DNMBP: variants seen among roughly 807,000 people sequenced by gnomAD.
DNMBP encodes dynamin-binding protein.
A neutral mutation model predicts 150.0 loss-of-function variants in DNMBP; 87 were observed. The ratio of observed to expected loss-of-function variants is 0.58; its 90% CI spans 0.49 to 0.69. DNMBP has a LOEUF of 0.69. Among genes scored for constraint, DNMBP ranks in the 30% least tolerant of loss-of-function variants. The probability of loss-of-function intolerance (pLI) is 0.00; values close to 1 mark genes in which losing one functional copy is unlikely to be tolerated. For missense variants in DNMBP, 1,774 were observed against 1,949.0 expected (o/e 0.91, Z 1.69); for synonymous variants, 711 against 750.4 (o/e 0.95, Z 0.86).
intron 4 of DNMBP, among the ~76,000 whole-genome samples, chr10:99,910,141 C>T (rs1385442304): frequency 3.9e-5 from 6 of 152,150 alleles, no homozygotes; most frequent in Admixed American, 3.9e-4. Flanking sequence ...TATTTTAACC[C>T]AGGTTTAAGA....
chr10:99,995,154 G>A (rs1245773147), intron 1 of DNMBP, among the ~76,000 whole-genome samples: 2 of 151,612 alleles, frequency 1.3e-5, no homozygotes, highest in Non-Finnish European at 1.5e-5. Context: ...CCAGTCTCAA[G>A]CAATCCTCCC....
At chr10:99,939,723 T>C (rs948256326) in intron 4 of DNMBP, among the ~76,000 whole-genome samples, 2 of 152,282 alleles carry the variant, frequency 1.3e-5, no homozygotes, top group African/African-American at 4.8e-5. Flanking sequence ...CTAGCCATTA[T>C]TTAGAAGGTA....
chr10:99,928,882 A>G (rs1465005969), intron 4 of DNMBP, among the ~76,000 whole-genome samples: 1 of 152,140 alleles, frequency 6.6e-6, no homozygotes, highest in Non-Finnish European at 1.5e-5. Context: ...GGTGGCTTAC[A>G]CTTGTAATCC....
In DNMBP at chr10:99,894,930, T is replaced by A. The variant is rs763874967; in HGVS notation, c.3156+16A>T. 1 of 1,559,002 alleles carries A rather than the reference T, an allele frequency of 6.4e-7. No individual in the cohort carries two copies. Among genetic ancestry groups the A allele is most frequent in the South Asian group, 1.1e-5 (1 of 89,860 alleles). On this transcript the variant is annotated intron_variant, in intron 11 of 16. Coordinates refer to ENST00000324109, the MANE Select transcript of DNMBP (RefSeq NM_015221.4). ...ACATCGTATGTTAATCTAACTACAGTGATGTTGATGCTCACCCGGATGTGC... is the reference window on the plus strand; with the variant it reads ...ACATCGTATGTTAATCTAACTACAGAGATGTTGATGCTCACCCGGATGTGC...
chr10:99,893,153 A>G (rs1328661981), intron 11 of DNMBP, among the ~76,000 whole-genome samples: 1 of 152,236 alleles, frequency 6.6e-6, no homozygotes, highest in African/African-American at 2.4e-5. Flanking sequence ...ACTGGTTTTG[A>G]TAACACTGAG....
At position 99,886,386 on chromosome 10, in the gene DNMBP, G is replaced by A. The variant is rs746550086; in HGVS notation, c.3532C>T (p.Leu1178Phe). 26 of 1,614,198 alleles carry A rather than the reference G, an allele frequency of 1.6e-5. No homozygotes were observed. In the South Asian group the frequency reaches 1.9e-4, roughly 12 times the overall value. Reference sequence around the variant, plus strand: ...TAGCCGTGGACACAGTTGGTGAAGAGGCCCTGGGCGTACTGGTGGAACTTG... The same window carrying A: ...TAGCCGTGGACACAGTTGGTGAAGAAGCCCTGGGCGTACTGGTGGAACTTG... ...LPKFHQYAQG[L>F]FTNCVHGYAE... The change falls in exon 13 of 17, where the codon CTC (leucine) becomes TTC (phenylalanine). Residue 1178 changes from leucine to phenylalanine, a missense_variant. Physicochemically the swap from Leu to Phe is conservative, Grantham distance 22. This residue lies in a region of DNMBP where 1,430 missense variants were observed against 1,492.5 expected (regional missense o/e 0.96). Coordinates refer to ENST00000324109, the MANE Select transcript of DNMBP (RefSeq NM_015221.4).
intron 8 of DNMBP, 37 bp from the exon 9 acceptor site, chr10:99,898,322 A>G (rs1378067477): frequency 6.5e-7 from 1 of 1,546,160 alleles, no homozygotes; most frequent in Non-Finnish European, 8.9e-7. Context: ...GTAAGCTATC[A>G]ATAATATAGC....
At chr10:99,913,587 T>C (rs2039927684) in intron 4 of DNMBP, among the ~76,000 whole-genome samples, 1 of 152,158 alleles carries the variant, frequency 6.6e-6, no homozygotes, top group South Asian at 2.1e-4. Flanking sequence ...CAAATTTACT[T>C]CCTGTGATAA....
chr10:99,952,023 G>A (rs1328385624), intron 4 of DNMBP, among the ~76,000 whole-genome samples: 1 of 152,266 alleles, frequency 6.6e-6, no homozygotes, highest in East Asian at 1.9e-4. Context: ...CATGGGGGCA[G>A]GTCTTTCCTG....
At chr10:99,984,876 T>C (rs1326452093) in intron 1 of DNMBP, among the ~76,000 whole-genome samples, 2 of 152,170 alleles carry the variant, frequency 1.3e-5, no homozygotes, top group Non-Finnish European at 2.9e-5. Context: ...TACAGGCATG[T>C]GCCCCCACAC....
chr10:99,886,535 A>G lies in DNMBP; in HGVS notation c.3383T>C (p.Leu1128Pro). 1 of 1,614,182 alleles carries G rather than the reference A, an allele frequency of 6.2e-7. No individual in the cohort carries two copies. The change falls in exon 13 of 17, where the codon CTC becomes CCC. Residue 1128 changes from leucine (L) to proline (P), a missense_variant. Around this residue, in one of 2 missense-constraint regions of DNMBP, gnomAD observed 1,430 missense variants for 1,492.5 expected, o/e 0.96. Transcript: ENST00000324109. The part of the protein sequence containing the change: ...HKLVQKRFDK[L>P]LDFYNCTERA... ...TTCTGTACAGTTATAGAAGTCCAGG[A>G]GCTTGTCAAAGCGTTTCTGTACCAG...
intron 11 of DNMBP, among the ~76,000 whole-genome samples, chr10:99,893,329 G>GT (rs2039601425): frequency 6.6e-6 from 1 of 152,218 alleles, no homozygotes; most frequent in African/African-American, 2.4e-5. Context: ...GATATTCCTT[G>GT]TATGACTAGT....
At chr10:99,886,938 C>A (rs1470187219) in intron 12 of DNMBP, among the ~76,000 whole-genome samples, 7 of 152,122 alleles carry the variant, frequency 4.6e-5, no homozygotes, top group Admixed American at 4.6e-4. Flanking sequence ...ATGATGTGTG[C>A]ATTAGAAACC....
In DNMBP at chr10:99,888,897, C is replaced by G. The variant is rs1327159988; in HGVS notation, c.3213G>C (p.Glu1071Asp). The change falls in exon 12 of 17, where the codon GAG becomes GAC. Residue 1071 changes from glutamate to aspartate, a missense_variant. Transcript: ENST00000324109. The part of the protein sequence containing the change: ...AAVSMWDVCM[E>D]RGHRDLEQFE... ...ACTGCTCCAGGTCCCGGTGTCCTCT[C>G]TCCATGCACACATCCCACATGCTCA... is the stretch of plus-strand genomic sequence containing the variant. The G allele has an allele frequency of 6.2e-7, 1 of 1,614,102 alleles. No homozygotes were observed. Among genetic ancestry groups the G allele is most frequent in the South Asian group, 1.1e-5 (1 of 91,090 alleles).
chr10:99,896,228 G>C (rs200438589), intron 10 of DNMBP, 39 bp downstream of exon 10: 2 of 1,607,494 alleles, frequency 1.2e-6, no homozygotes, highest in Non-Finnish European at 1.7e-6. Context: ...CTGAAAAGCT[G>C]TCAAAGATGC....
In DNMBP at chr10:99,898,735, G is replaced by A. The variant is rs746976067; in HGVS notation, c.2720+8C>T. 32 of 1,613,702 alleles carry A rather than the reference G, an allele frequency of 2.0e-5. No individual in the cohort carries two copies. The South Asian group carries it at 3.4e-4, about 17-fold the overall frequency. ...TGAGCGCATACATCAAGCAGCAATG[G>A]AACTTACCATTCGTTGTATAGGCTC... is the stretch of plus-strand genomic sequence containing the variant. On this transcript the variant is annotated splice_region_variant and intron_variant, in intron 8 of 16. Transcript: ENST00000324109.
At chr10:99,965,388 A>AT (rs1001733544) in intron 3 of DNMBP, among the ~76,000 whole-genome samples, 3 of 151,716 alleles carry the variant, frequency 2.0e-5, no homozygotes, top group African/African-American at 7.3e-5. Context: ...TTACACATAT[A>AT]TTTTTTCTCT....
At chr10:99,941,537 C>T (rs998259936) in intron 4 of DNMBP, among the ~76,000 whole-genome samples, 13 of 151,334 alleles carry the variant, frequency 8.6e-5, no homozygotes, top group Middle Eastern at 3.4e-3. Context: ...GGCACGATCT[C>T]GGCTCACCGC....
intron 4 of DNMBP, among the ~76,000 whole-genome samples, chr10:99,953,868 G>C (rs186055836): frequency 8.6e-4 from 130 of 151,842 alleles, no homozygotes; most frequent in Non-Finnish European, 1.6e-3. Context: ...GATACAAGAT[G>C]GAGTTTTCTC....
Sources: gnomAD v4.1 joint callset for allele counts (sites outside exome capture counted in the v4.1 genomes callset) on GRCh38, gnomAD v4.1.1 for gene constraint, gnomAD v4.1.1 regional missense constraint, MANE v1.5 for transcripts, NCBI Gene and HGNC (gene_info 2026-07-23, HGNC 2026-07-21) for gene names.